ATP2C1: variants seen among roughly 807,000 people sequenced by gnomAD.
ATP2C1 encodes calcium-transporting ATPase type 2C member 1.
A neutral mutation model predicts 120.5 loss-of-function variants in ATP2C1; 31 were observed. The observed-to-expected ratio is 0.26, with a 90% CI of 0.19 to 0.35. The LOEUF (loss-of-function observed/expected upper bound fraction) is 0.35, where lower values mean the gene tolerates loss of function less well. Ranked by LOEUF, ATP2C1 falls within the 10% of genes least tolerant of loss-of-function variation. ATP2C1 has a pLI of 1.00. For synonymous variants in ATP2C1, 351 were observed against 358.7 expected, an observed-to-expected ratio of 0.98 and a Z score of 0.24; for missense variants, 731 against 1,107.5, an observed-to-expected ratio of 0.66 and a Z score of 4.83.
At chr3:130,989,749 T>C (rs1334945366) in intron 20 of ATP2C1, among the ~76,000 whole-genome samples, 3 of 152,212 alleles carry the variant, frequency 2.0e-5, no homozygotes, top group Non-Finnish European at 2.9e-5. Context: ...ATGAAGTACA[T>C]GGACAACTCA....
intron 20 of ATP2C1, among the ~76,000 whole-genome samples, chr3:130,982,348 A>G (rs1235672397): frequency 2.6e-5 from 4 of 152,230 alleles, no homozygotes. Flanking sequence ...GGAAGGAGGT[A>G]TCTCCTGCCC....
chr3:130,910,909 C>CT (rs1436561693), intron 2 of ATP2C1, among the ~76,000 whole-genome samples: 2 of 83,730 alleles, frequency 2.4e-5, no homozygotes, highest in African/African-American at 9.4e-5. Flanking sequence ...CTAAAATTCT[C>CT]TTTTTTGGTT....
At chr3:130,911,398 A>C (rs565980337) in intron 2 of ATP2C1, among the ~76,000 whole-genome samples, 16 of 150,846 alleles carry the variant, frequency 1.1e-4, no homozygotes, top group African/African-American at 3.2e-4. Context: ...TCAAAAAACC[A>C]GCTCCTGGAT....
chr3:130,903,108 C>T (rs569938437), intron 2 of ATP2C1, among the ~76,000 whole-genome samples: 26 of 152,042 alleles, frequency 1.7e-4, no homozygotes, highest in African/African-American at 5.8e-4. Flanking sequence ...TCCTTGAGTT[C>T]GGTAAACTAT....
At chr3:130,853,779 C>T (rs1396980694) in intron 1 of ATP2C1, among the ~76,000 whole-genome samples, 1 of 152,168 alleles carries the variant, frequency 6.6e-6, no homozygotes, top group Non-Finnish European at 1.5e-5. Context: ...GCACACATGA[C>T]ACTGGATGTT....
chr3:130,984,537 AC>A lies in ATP2C1; in HGVS notation c.1839+3859del, dbSNP rs925292012. On this transcript the variant is annotated intron_variant, in intron 20 of 27. Transcript: ENST00000510168. Reference sequence around the variant, plus strand: ...AAGTGGTTAGATTTTGGATGTTGTTACTAATAGAAATACACTATTTTGCTTA... The same window carrying A: ...AAGTGGTTAGATTTTGGATGTTGTTATAATAGAAATACACTATTTTGCTTA... Among the ~76,000 whole-genome samples, 7 of 152,166 alleles carry A rather than the reference AC, an allele frequency of 4.6e-5. 1 individual carries two copies. The highest frequency in any genetic ancestry group is 3.2e-3 in the Middle Eastern group (1 of 316).
At chr3:130,890,012 T>C (rs2107863598), upstream of ATP2C1, among the ~76,000 whole-genome samples, 1 of 152,316 alleles carries the variant, frequency 6.6e-6, no homozygotes, top group Non-Finnish European at 1.5e-5. Flanking sequence ...GGATTTTAGT[T>C]TGATCATAGG....
In ATP2C1 at chr3:130,975,487, AG is replaced by A; in HGVS notation, c.1570+1del. The A allele has an allele frequency of 6.2e-7, 1 of 1,613,542 alleles. No homozygotes were observed. Among genetic ancestry groups the A allele is most frequent in the Non-Finnish European group, 8.5e-7 (1 of 1,179,730 alleles). On this transcript the variant is annotated frameshift_variant and splice_region_variant, in exon 18 of 28. Coordinates refer to ENST00000510168, the MANE Select transcript of ATP2C1 (RefSeq NM_001378687.1). LOFTEE classifies it high-confidence loss of function. ...CACGCATGGGCTCAGCGGGACTCAG[AG>A]GTAAGGCTATTTCAGCATAGTCCCC... Reference protein sequence around the residue: ...KARMGSAGLRVLALASGPELG... With the variant: ...KARMGSAGLRXLALASGPELG...
downstream of ATP2C1, among the ~76,000 whole-genome samples, chr3:131,003,495 G>A (rs2062985264): frequency 6.6e-6 from 1 of 152,058 alleles, no homozygotes. Context: ...TAAACATCAG[G>A]GAAGAAAAGA....
At chr3:130,913,406 G>A (rs2058536442) in intron 2 of ATP2C1, among the ~76,000 whole-genome samples, 1 of 152,126 alleles carries the variant, frequency 6.6e-6, no homozygotes, top group Non-Finnish European at 1.5e-5. Context: ...GAGCCTCGTG[G>A]CATACCTAGT....
intron 2 of ATP2C1, among the ~76,000 whole-genome samples, chr3:130,915,614 G>T (rs1020072645): frequency 6.6e-6 from 1 of 152,128 alleles, no homozygotes; most frequent in Non-Finnish European, 1.5e-5. Flanking sequence ...GGAAAAACAC[G>T]TTTGGATGAG....
In ATP2C1 at chr3:130,941,592, G is replaced by A. The variant is rs139529865; in HGVS notation, c.424G>A (p.Val142Met). 11 of 1,612,142 alleles carry A rather than the reference G, an allele frequency of 6.8e-6. No homozygotes were observed. The African/African-American group carries it at 1.1e-4, about 16-fold the overall frequency. ...GGTTGTTTCTATTTCGTGTTACAGT[G>A]TGCGTGAAGGAAAATTGGAGCATAC... Reference protein sequence around the residue: ...SKLVPPECHCVREGKLEHTLA... With the variant: ...SKLVPPECHCMREGKLEHTLA... The change falls in exon 8 of 28, where the codon GTG (valine) becomes ATG (methionine). Residue 142 changes from valine to methionine, a missense_variant and splice_region_variant. Val to Met is a conservative substitution (Grantham distance 21). Transcript: ENST00000510168.
At chr3:130,970,907 T>G (rs1198108077) in intron 17 of ATP2C1, among the ~76,000 whole-genome samples, 3 of 152,276 alleles carry the variant, frequency 2.0e-5, no homozygotes, top group South Asian at 2.1e-4. Context: ...AATTGAAGTC[T>G]TCCAGGAACT....
At chr3:130,872,942 T>C (rs1363480940) in intron 1 of ATP2C1, among the ~76,000 whole-genome samples, 1 of 152,160 alleles carries the variant, frequency 6.6e-6, no homozygotes, top group Non-Finnish European at 1.5e-5. Context: ...GAGGGTCTGC[T>C]TGGAGAATAA....
At chr3:130,855,535 C>T (rs1038591637) in intron 1 of ATP2C1, among the ~76,000 whole-genome samples, 9 of 152,104 alleles carry the variant, frequency 5.9e-5, no homozygotes, top group East Asian at 3.8e-4. Context: ...ATTTTACAGA[C>T]GTGAAACTAG....
chr3:130,934,649 C>G lies in ATP2C1; in HGVS notation c.262C>G (p.Leu88Val). 1 of 1,613,108 alleles carries G rather than the reference C, an allele frequency of 6.2e-7. No homozygotes were observed. Among genetic ancestry groups the G allele is most frequent in the East Asian group, 2.2e-5 (1 of 44,848 alleles). ...TAAAAATCCCCTTATTATGCTGCTT[C>G]TGGCTTCTGCAGTCATCAGTGTTTT... ...QFKNPLIMLL[L>V]ASAVISVLMH... Residue 88 changes from leucine (L) to valine (V), a missense_variant, in exon 5 of 28, where the codon CTG becomes GTG. Physicochemically the swap from Leu to Val is conservative, Grantham distance 32 (BLOSUM62 1). Transcript: ENST00000510168.
intron 18 of ATP2C1, 58 bp downstream of exon 18, chr3:130,975,546 C>A: frequency 1.3e-6 from 2 of 1,545,844 alleles, no homozygotes; most frequent in Non-Finnish European, 1.8e-6. Flanking sequence ...CTTTTAATTG[C>A]AGATGAATTC....
At chr3:130,970,730 C>T (rs2061273190) in intron 17 of ATP2C1, among the ~76,000 whole-genome samples, 1 of 152,010 alleles carries the variant, frequency 6.6e-6, no homozygotes, top group Non-Finnish European at 1.5e-5. Context: ...ACAGGAATGA[C>T]TAGTTGGTTA....
rs2069839068 is a variant in ATP2C1, at chr3:130,898,467, A to G, written c.6+3692A>G. On this transcript the variant is annotated intron_variant, in intron 2 of 27. Coordinates refer to ENST00000510168, the MANE Select transcript of ATP2C1 (RefSeq NM_001378687.1). ...AAATAGGAAACCAGGTTATAAAAAT[A>G]TATCTTTGGGTGTGGGAAATATAGT... Among the ~76,000 whole-genome samples, 3 of 152,284 alleles carry G rather than the reference A, an allele frequency of 2.0e-5. No homozygotes were observed. In the South Asian group the frequency reaches 6.2e-4, roughly 32 times the overall value.
Sources: allele counts gnomAD v4.1 joint callset (sites outside exome capture counted in the v4.1 genomes callset), GRCh38; gene constraint gnomAD v4.1.1; transcripts MANE v1.5; gene names NCBI Gene and HGNC (gene_info 2026-07-23, HGNC 2026-07-21).